The following FAM13A variants were observed in gnomAD, a reference collection of about 807,000 sequenced individuals.
The protein encoded by FAM13A is family with sequence similarity 13 member A, also known as protein FAM13A.
Under a neutral mutation model 129.6 loss-of-function variants are expected in FAM13A, and 76 were observed. The observed-to-expected ratio is 0.59, with a 90% CI of 0.49 to 0.71. The LOEUF (loss-of-function observed/expected upper bound fraction) is 0.71, where lower values mean the gene tolerates loss of function less well. FAM13A is among the 30% of genes least tolerant of loss of function. FAM13A has a pLI of 0.00. For missense variants in FAM13A, 1,108 were observed against 1,249.3 expected, an observed-to-expected ratio of 0.89 and a Z score of 1.70; for synonymous variants, 443 against 449.9, an observed-to-expected ratio of 0.98 and a Z score of 0.20.
intron 6 of FAM13A, among the ~76,000 whole-genome samples, chr4:88,885,598 G>T (rs1744273991): frequency 6.6e-6 from 1 of 152,126 alleles, no homozygotes; most frequent in African/African-American, 2.4e-5. Context: ...ATTGGCTTAG[G>T]CAAAGACTTC....
chr4:89,020,034 T>C lies in FAM13A; in HGVS notation c.427+426A>G, dbSNP rs377140036. On this transcript the variant is annotated intron_variant, in intron 3 of 23. Coordinates refer to ENST00000264344, the MANE Select transcript of FAM13A (RefSeq NM_014883.4). ...GTCATTAGTCAGAAAAACATGTCTT[T>C]GGCCCAAAAGCATCAGGGATTTTCA... is the stretch of plus-strand genomic sequence containing the variant. 7.9e-5 allele frequency among the ~76,000 whole-genome samples: 12 copies of C among 152,192 alleles called. No homozygotes were observed. The East Asian group carries it at 9.7e-4, about 12-fold the overall frequency.
intron 6 of FAM13A, among the ~76,000 whole-genome samples, chr4:88,891,290 G>A (rs998481612): frequency 2.0e-5 from 3 of 152,112 alleles, no homozygotes; most frequent in African/African-American, 4.8e-5. Context: ...CAGGTGTGGT[G>A]GCACATGCCT....
At chr4:88,980,861 T>A (rs766138605) in intron 4 of FAM13A, among the ~76,000 whole-genome samples, 1 of 152,242 alleles carries the variant, frequency 6.6e-6, no homozygotes, top group Non-Finnish European at 1.5e-5. Context: ...GCTGATATCA[T>A]TTAATATTTA....
At chr4:88,956,342 G>A (rs1757752246) in intron 4 of FAM13A, among the ~76,000 whole-genome samples, 1 of 152,158 alleles carries the variant, frequency 6.6e-6, no homozygotes, top group Admixed American at 6.5e-5. Context: ...GTAACATGCT[G>A]CACATGTTTG....
intron 5 of FAM13A, among the ~76,000 whole-genome samples, chr4:88,920,710 T>C (rs1422672161): frequency 6.6e-6 from 1 of 152,164 alleles, no homozygotes; most frequent in African/African-American, 2.4e-5. Context: ...AGAACAACTT[T>C]GACGAGTTGA....
At chr4:88,997,913 T>C (rs1347991561) in intron 3 of FAM13A, among the ~76,000 whole-genome samples, 3 of 152,140 alleles carry the variant, frequency 2.0e-5, no homozygotes, top group Non-Finnish European at 4.4e-5. Context: ...GCTAATCTAT[T>C]AGATATTAAT....
chr4:88,787,878 A>C lies in FAM13A; in HGVS notation c.1146T>G (p.Asn382Lys). The stretch of plus-strand genomic sequence containing the variant: ...CCTCTGAACTTTGACCTCCAGAGTT[A>C]TTAACATCAAAAAGATGTTGTTCTA... ...SAVEQHLFDV[N>K]NSGGQSSEDS... The change falls in exon 10 of 24, where the codon AAT becomes AAG. Residue 382 changes from asparagine (N) to lysine (K), a missense_variant. Asn to Lys is a moderately conservative substitution (Grantham distance 94, BLOSUM62 0). Around this residue, in one of 3 missense-constraint regions of FAM13A, gnomAD observed 566 missense variants for 595.7 expected, o/e 0.95. Transcript: ENST00000264344. The C allele has an allele frequency of 6.2e-7, 1 of 1,613,556 alleles. No individual in the cohort carries two copies.
intron 11 of FAM13A, among the ~76,000 whole-genome samples, chr4:88,769,841 C>A (rs6844399): frequency 6.6e-6 from 1 of 151,052 alleles, no homozygotes; most frequent in African/African-American, 2.4e-5. Flanking sequence ...AAAAAAAAAC[C>A]AAAAAACAAA....
At chr4:88,929,075 T>G (rs982409216) in intron 5 of FAM13A, among the ~76,000 whole-genome samples, 1 of 152,178 alleles carries the variant, frequency 6.6e-6, no homozygotes, top group African/African-American at 2.4e-5. Context: ...GTAGGGCCAG[T>G]CTAGTGGTGA....
intron 4 of FAM13A, among the ~76,000 whole-genome samples, chr4:88,948,526 T>A (rs1004651785): frequency 6.6e-6 from 1 of 151,754 alleles, no homozygotes; most frequent in Non-Finnish European, 1.5e-5. Flanking sequence ...TCTCACTCTA[T>A]CACCCAGGCT....
chr4:88,829,917 CA>C (rs1733601147), intron 7 of FAM13A, among the ~76,000 whole-genome samples: 1 of 152,124 alleles, frequency 6.6e-6, no homozygotes, highest in Non-Finnish European at 1.5e-5. Context: ...AATAGCCCCT[CA>C]AGATAATAAA....
intron 7 of FAM13A, among the ~76,000 whole-genome samples, chr4:88,840,730 G>A (rs1251661303): frequency 2.0e-5 from 3 of 150,300 alleles, no homozygotes; most frequent in Admixed American, 6.6e-5. Context: ...ATTATATTTT[G>A]TAGATCTAAA....
intron 11 of FAM13A, 88 bp from the exon 12 acceptor site, chr4:88,768,147 A>G: frequency 2.9e-6 from 2 of 683,986 alleles, no homozygotes; most frequent in South Asian, 3.7e-5. Flanking sequence ...GAAAAATCAA[A>G]TAATATGTAT....
intron 2 of FAM13A, among the ~76,000 whole-genome samples, chr4:89,025,154 C>T (rs1481848877): frequency 1.3e-5 from 2 of 151,528 alleles, no homozygotes; most frequent in African/African-American, 4.8e-5. Context: ...ATCCTCTGAC[C>T]ATCCAGGAGT....
At chr4:88,807,979 A>G (rs1728919718) in intron 7 of FAM13A, among the ~76,000 whole-genome samples, 1 of 152,224 alleles carries the variant, frequency 6.6e-6, no homozygotes, top group South Asian at 2.1e-4. Flanking sequence ...TAAGTAAAAT[A>G]AAGCAGAGTC....
At chr4:89,014,738 C>A (rs1766231338) in intron 3 of FAM13A, among the ~76,000 whole-genome samples, 1 of 152,238 alleles carries the variant, frequency 6.6e-6, no homozygotes, top group Admixed American at 6.5e-5. Context: ...ACTTTAATCT[C>A]TTAATCCTGT....
At chr4:88,898,478 A>G (rs189629326) in intron 6 of FAM13A, among the ~76,000 whole-genome samples, 1 of 152,310 alleles carries the variant, frequency 6.6e-6, no homozygotes, top group Non-Finnish European at 1.5e-5. Context: ...TTTTCCAGAA[A>G]AAAATCAAAG....
At chr4:88,762,430 T>C (rs1191404949) in intron 13 of FAM13A, among the ~76,000 whole-genome samples, 1 of 152,138 alleles carries the variant, frequency 6.6e-6, no homozygotes, top group Non-Finnish European at 1.5e-5. Flanking sequence ...CCTAACTGCA[T>C]GTAGAGATGC....
At chr4:88,871,401 C>A (rs1160319679) in intron 6 of FAM13A, among the ~76,000 whole-genome samples, 1 of 152,120 alleles carries the variant, frequency 6.6e-6, no homozygotes, top group Non-Finnish European at 1.5e-5. Context: ...ACCTTGAATA[C>A]AGATGAGATG....
Sources: gnomAD v4.1 joint callset for allele counts (sites outside exome capture counted in the v4.1 genomes callset) on GRCh38, gnomAD v4.1.1 for gene constraint, gnomAD v4.1.1 regional missense constraint, MANE v1.5 for transcripts, NCBI Gene and HGNC (gene_info 2026-07-23, HGNC 2026-07-21) for gene names.